UGT1A7: variants seen among roughly 807,000 people sequenced by gnomAD.
UGT1A7 encodes the protein UDP glucuronosyltransferase family 1 member A7, also known as UDP-glucuronosyltransferase 1A7.
In UGT1A7, 33 loss-of-function variants were observed where a neutral mutation model predicts 45.6. That is an observed-to-expected ratio of 0.72 (90% CI 0.55 to 0.97). The LOEUF is 0.97. Ranked by LOEUF, UGT1A7 falls within the 50% of genes least tolerant of loss-of-function variation. The pLI, the probability that UGT1A7 is intolerant of heterozygous loss-of-function variation, is 0.00. For missense variants in UGT1A7, 684 were observed against 666.2 expected (o/e 1.03, Z -0.29); for synonymous variants, 274 against 250.6 (o/e 1.09, Z -0.88).
chr2:233,731,432 C>T (rs2078159298), intron 1 of UGT1A7, among the ~76,000 whole-genome samples: 1 of 152,116 alleles, frequency 6.6e-6, no homozygotes, highest in Non-Finnish European at 1.5e-5. Flanking sequence ...CCATCCCTCC[C>T]CCAGTCCCCC....
At chr2:233,719,356 A>T (rs751560022) in intron 1 of UGT1A7, 4 of 1,613,848 alleles carry the variant, frequency 2.5e-6, no homozygotes, top group Non-Finnish European at 3.4e-6. Context: ...ATTCCATGTG[A>T]CTTAGACTTT....
intron 1 of UGT1A7, among the ~76,000 whole-genome samples, chr2:233,738,606 A>G (rs1397968465): frequency 6.6e-6 from 1 of 152,228 alleles, no homozygotes; most frequent in Non-Finnish European, 1.5e-5. Flanking sequence ...AAGCTTTAGC[A>G]AAGAAACTCG....
At chr2:233,689,209 A>T (rs1235533582) in intron 1 of UGT1A7, among the ~76,000 whole-genome samples, 1 of 152,232 alleles carries the variant, frequency 6.6e-6, no homozygotes, top group African/African-American at 2.4e-5. Flanking sequence ...TGGGCAAGCC[A>T]TACTTACCTG....
intron 1 of UGT1A7, among the ~76,000 whole-genome samples, chr2:233,700,949 T>G (rs537034849): frequency 2.1e-4 from 32 of 150,414 alleles, no homozygotes; most frequent in African/African-American, 7.3e-4. Context: ...AATTCCCACC[T>G]ATGAGTGAGA....
Position 233,767,921 on chromosome 2 carries a change from C to T in UGT1A7, c.1060C>T (p.Gln354Ter), listed in dbSNP as rs72551350. 5.6e-6 allele frequency: 9 copies of T among 1,614,068 alleles called. No homozygotes were observed. Among genetic ancestry groups the T allele is most frequent in the Non-Finnish European group, 7.6e-6 (9 of 1,180,058 alleles). ...NNTILVKWLP[Q>*]NDLLGHPMTR... ...CACGATACTTGTTAAGTGGCTACCC[C>T]AAAACGATCTGCTTGGTATGTTGGG... The change falls in exon 3 of 5, where the codon CAA becomes TAA. Residue 354 changes from glutamine (Q) to a stop codon, truncating the protein, a stop_gained. Coordinates refer to ENST00000373426, the MANE Select transcript of UGT1A7 (RefSeq NM_019077.3). LOFTEE classifies it high-confidence loss of function.
intron 1 of UGT1A7, among the ~76,000 whole-genome samples, chr2:233,761,379 G>A (rs1697758727): frequency 6.6e-6 from 1 of 152,206 alleles, no homozygotes; most frequent in African/African-American, 2.4e-5. Context: ...ATTTTACTCT[G>A]TGTGCTCCAG....
chr2:233,709,219 T>G (rs2076065837), intron 1 of UGT1A7, among the ~76,000 whole-genome samples: 1 of 151,980 alleles, frequency 6.6e-6, no homozygotes, highest in African/African-American at 2.4e-5. Context: ...CATTTGAGAG[T>G]TTGGGGGAGG....
chr2:233,747,299 G>A, intron 1 of UGT1A7: 1 of 1,602,106 alleles, frequency 6.2e-7, no homozygotes, highest in Non-Finnish European at 8.5e-7. Flanking sequence ...GCTGAGAGTG[G>A]GAAGGTGCTG....
chr2:233,712,511 T>C (rs2013018), intron 1 of UGT1A7, among the ~76,000 whole-genome samples: 15,485 of 152,220 alleles, frequency 0.1, 907 homozygotes, highest in East Asian at 0.2. Context: ...TTGTCTGCAT[T>C]TTGGATGTGC....
chr2:233,714,809 G>C (rs545646081), intron 1 of UGT1A7, among the ~76,000 whole-genome samples: 1 of 152,174 alleles, frequency 6.6e-6, no homozygotes, highest in Admixed American at 6.5e-5. Flanking sequence ...ATATTCATAT[G>C]TAGTTAGTGA....
intron 1 of UGT1A7, among the ~76,000 whole-genome samples, chr2:233,721,044 CT>C (rs1475591591): frequency 6.6e-6 from 1 of 151,954 alleles, no homozygotes; most frequent in Non-Finnish European, 1.5e-5. Context: ...GAATTGAGCC[CT>C]TTTTTGTCAT....
chr2:233,755,087 T>C (rs758822469), intron 1 of UGT1A7: 3 of 1,335,764 alleles, frequency 2.2e-6, no homozygotes, highest in South Asian at 1.1e-5. Flanking sequence ...AGATATCGCG[T>C]TTCTACGCGT....
chr2:233,719,008 C>T (rs775074896), intron 1 of UGT1A7: 43 of 1,614,048 alleles, frequency 2.7e-5, no homozygotes, highest in Admixed American at 2.5e-4. Flanking sequence ...GTCCTCACCC[C>T]AGAGGTGAAT....
chr2:233,713,306 T>A, intron 1 of UGT1A7: 1 of 1,614,234 alleles, frequency 6.2e-7, no homozygotes, highest in Non-Finnish European at 8.5e-7. Flanking sequence ...AAACAGAACA[T>A]CTTCTGATGA....
At chr2:233,713,332 T>C in intron 1 of UGT1A7, 1 of 1,614,244 alleles carries the variant, frequency 6.2e-7, no homozygotes, top group Non-Finnish European at 8.5e-7. Flanking sequence ...TCTAGAAGAA[T>C]GGCAATTATG....
rs764952775 is a variant in UGT1A7 at position 233,762,693 on chromosome 2, ATCTTT to A, written c.856-4336_856-4332del. Reference sequence around the variant, plus strand: ...CATTTGTTCTGTTTCTTTCTCATTCATCTTTTCTTAAGTATTTTACACGGTTTTTT... The same window carrying A: ...CATTTGTTCTGTTTCTTTCTCATTCATCTTAAGTATTTTACACGGTTTTTT... On this transcript the variant is annotated intron_variant, in intron 1 of 4. Coordinates refer to ENST00000373426, the MANE Select transcript of UGT1A7 (RefSeq NM_019077.3). Among the ~76,000 whole-genome samples, 18 of 148,206 alleles carry A rather than the reference ATCTTT, an allele frequency of 1.2e-4. No homozygotes were observed. In the East Asian group the frequency reaches 2.7e-3, roughly 23 times the overall value.
intron 1 of UGT1A7, among the ~76,000 whole-genome samples, chr2:233,700,974 A>G (rs1575470189): frequency 6.6e-6 from 1 of 150,696 alleles, no homozygotes; most frequent in African/African-American, 2.4e-5. Flanking sequence ...GCGGTGTTTG[A>G]TTTTTTGTCC....
chr2:233,720,704 C>CT (rs796417980), intron 1 of UGT1A7, among the ~76,000 whole-genome samples: 446 of 139,112 alleles, frequency 3.2e-3, no homozygotes, highest in South Asian at 5.2e-3. Context: ...GGGAGCCATC[C>CT]TTTTTTTTTT....
chr2:233,766,272 G>C (rs1351320268), intron 1 of UGT1A7, among the ~76,000 whole-genome samples: 4 of 68,008 alleles, frequency 5.9e-5, no homozygotes, highest in Admixed American at 5.5e-4. Flanking sequence ...CCCGGGCTCG[G>C]TGGCCCGGGC....
Sources: allele counts gnomAD v4.1 joint callset (sites outside exome capture counted in the v4.1 genomes callset), GRCh38; gene constraint gnomAD v4.1.1; transcripts MANE v1.5; gene names NCBI Gene and HGNC (gene_info 2026-07-23, HGNC 2026-07-21).